The following HMGA1 variants were observed in gnomAD, a reference collection of about 807,000 sequenced individuals.
HMGA1 encodes high mobility group protein HMG-I/HMG-Y.
Under a neutral mutation model 15.1 loss-of-function variants are expected in HMGA1, and 1 was observed. That is an observed-to-expected ratio of 0.07 (90% CI 0.02 to 0.31). The LOEUF is 0.31. HMGA1 is among the 10% of genes least tolerant of loss of function. The probability of loss-of-function intolerance (pLI) is 1.00; values close to 1 mark genes in which losing one functional copy is unlikely to be tolerated. For synonymous variants in HMGA1, 56 were observed against 54.8 expected, an observed-to-expected ratio of 1.02 and a Z score of -0.10; for missense variants, 94 against 141.4, an observed-to-expected ratio of 0.66 and a Z score of 1.70.
intron 4 of HMGA1, 94 bp from the exon 5 acceptor site, chr6:34,243,374 A>T: frequency 1.0e-6 from 1 of 953,968 alleles, no homozygotes; most frequent in Non-Finnish European, 1.7e-6. Context: ...GTCACCCTGA[A>T]CAGGCAGGTA....
At chr6:34,241,486 T>C (rs923634445) in intron 3 of HMGA1, among the ~76,000 whole-genome samples, 1 of 152,250 alleles carries the variant, frequency 6.6e-6, no homozygotes, top group Non-Finnish European at 1.5e-5. Flanking sequence ...GCATTGCCCC[T>C]GGCTCTTTAG....
At chr6:34,238,267 C>T (rs1050334071) in intron 2 of HMGA1, among the ~76,000 whole-genome samples, 5 of 152,152 alleles carry the variant, frequency 3.3e-5, no homozygotes, top group Admixed American at 1.3e-4. Context: ...CCCCGCGCGC[C>T]CTGGCCCCGG....
chr6:34,240,938 C>T (rs760937123), intron 3 of HMGA1, 23 bp downstream of exon 3: 2 of 1,613,450 alleles, frequency 1.2e-6, no homozygotes, highest in Non-Finnish European at 8.5e-7. Flanking sequence ...ACCTTTGCTT[C>T]ACTTGGTTTA....
chr6:34,240,549 C>G (rs1762217517), intron 2 of HMGA1, 188 bp from the exon 3 acceptor site: 1 of 552,622 alleles, frequency 1.8e-6, no homozygotes, highest in Admixed American at 3.0e-5. Flanking sequence ...CTGATTAGGG[C>G]CAACGGCCCT....
chr6:34,240,857 G>C lies in HMGA1; in HGVS notation c.77G>C (p.Arg26Pro). 1 of 1,613,526 alleles carries C rather than the reference G, an allele frequency of 6.2e-7. No individual in the cohort carries two copies. The highest frequency in any genetic ancestry group is 8.5e-7 in the Non-Finnish European group (1 of 1,179,836). ...AAGGACGGCACTGAGAAGCGGGGCC[G>C]GGGCAGGCCGCGCAAGCAGCCTCCG... ...QEKDGTEKRG[R>P]GRPRKQPPVS... Residue 26 changes from arginine to proline, a missense_variant, in exon 3 of 6, where the codon CGG becomes CCG. Transcript: ENST00000311487.
intron 3 of HMGA1, among the ~76,000 whole-genome samples, chr6:34,242,074 C>T (rs911916003): frequency 9.2e-5 from 14 of 152,326 alleles, no homozygotes; most frequent in African/African-American, 3.4e-4. Flanking sequence ...CGCGCCTTCA[C>T]CACACACCTT....
intron 2 of HMGA1, among the ~76,000 whole-genome samples, chr6:34,238,232 C>T (rs1761980184): frequency 6.6e-6 from 1 of 152,000 alleles, no homozygotes; most frequent in South Asian, 2.1e-4. Context: ...TTTCCCGCGC[C>T]TGCAGGAGCG....
intron 2 of HMGA1, among the ~76,000 whole-genome samples, chr6:34,239,477 G>GT (rs1762119229): frequency 6.6e-6 from 1 of 152,052 alleles, no homozygotes; most frequent in Non-Finnish European, 1.5e-5. Flanking sequence ...ATTATTTTAA[G>GT]TTTTTCTAAA....
At position 34,245,435 on chromosome 6, in the gene HMGA1, C is replaced by T. The variant is rs761400065; in HGVS notation, c.*551C>T. On this transcript the variant is annotated 3_prime_UTR_variant, in exon 6 of 6. Coordinates refer to ENST00000311487, the MANE Select transcript of HMGA1 (RefSeq NM_145899.3). The stretch of plus-strand genomic sequence containing the variant: ...GGCCCCCAGGATTCCCCCAGCCAAA[C>T]TGTCTTTGTCACCACGTGGGGCTCA... 1.4e-5 allele frequency: 19 copies of T among 1,368,732 alleles called. No individual in the cohort carries two copies. Among genetic ancestry groups the T allele is most frequent in the South Asian group, 2.5e-5 (2 of 81,270 alleles). The allele number at this position is 1,368,732 out of a possible 1,614,324, so 84.8% of individuals were successfully genotyped here.
chr6:34,243,883 G>C (rs950374619), intron 5 of HMGA1, among the ~76,000 whole-genome samples: 1 of 152,142 alleles, frequency 6.6e-6, no homozygotes, highest in African/African-American at 2.4e-5. Flanking sequence ...GGGAAGGTTT[G>C]TCCTTCCTAT....
chr6:34,245,239 C>T lies in HMGA1; in HGVS notation c.*355C>T, dbSNP rs11557700. On this transcript the variant is annotated 3_prime_UTR_variant, in exon 6 of 6. Coordinates refer to ENST00000311487, the MANE Select transcript of HMGA1 (RefSeq NM_145899.3). ...GGTGGTGGGGACATTGCTCTCTGGG[C>T]TTTTGGTTTGGGGGCGCCCTCTCTG... 1 of 1,384,232 alleles carries T rather than the reference C, an allele frequency of 7.2e-7. No homozygotes were observed. The highest frequency in any genetic ancestry group is 1.4e-5 in the African/African-American group (1 of 70,166). 85.7% of individuals were successfully genotyped at this position (1,384,232 alleles called of 1,614,324 possible).
rs1157974807 is a variant in HMGA1, at chr6:34,240,766, C to T, written c.-15C>T. ...CCAGCCATCACTCTTCCACCTGCTC[C>T]TTAGAGAAGGGAAGATGAGTGAGTC... is the stretch of plus-strand genomic sequence containing the variant. On this transcript the variant is annotated 5_prime_UTR_variant, in exon 3 of 6. Coordinates refer to ENST00000311487, the MANE Select transcript of HMGA1 (RefSeq NM_145899.3). 6 of 1,612,068 alleles carry T rather than the reference C, an allele frequency of 3.7e-6. No homozygotes were observed. Among genetic ancestry groups the T allele is most frequent in the Non-Finnish European group, 5.1e-6 (6 of 1,179,870 alleles).
chr6:34,237,563 C>T (rs1246793301), intron 2 of HMGA1, among the ~76,000 whole-genome samples: 3 of 144,806 alleles, frequency 2.1e-5, no homozygotes, highest in African/African-American at 5.0e-5. Flanking sequence ...CTGCGGGGGG[C>T]GGGGACCCGG....
At chr6:34,237,767 G>C (rs571105981) in intron 2 of HMGA1, among the ~76,000 whole-genome samples, 59 of 151,578 alleles carry the variant, frequency 3.9e-4, no homozygotes, top group Middle Eastern at 3.4e-3. Flanking sequence ...GTGGGGGGTC[G>C]GGCGCCCCCC....
At position 34,245,226 on chromosome 6, in the gene HMGA1, A is replaced by G. The variant is rs555690284; in HGVS notation, c.*342A>G. The G allele has an allele frequency of 6.5e-6, 9 of 1,390,294 alleles. No individual in the cohort carries two copies. The African/African-American group carries it at 7.1e-5, about 11-fold the overall frequency. 86.1% of individuals were successfully genotyped at this position (1,390,294 alleles called of 1,614,324 possible). On this transcript the variant is annotated 3_prime_UTR_variant, in exon 6 of 6. Coordinates refer to ENST00000311487, the MANE Select transcript of HMGA1 (RefSeq NM_145899.3). ...TCCCCACTCCCTTGGTGGTGGGGAC[A>G]TTGCTCTCTGGGCTTTTGGTTTGGG... is the stretch of plus-strand genomic sequence containing the variant.
chr6:34,238,245 C>T (rs984540062), intron 2 of HMGA1, among the ~76,000 whole-genome samples: 1 of 152,114 alleles, frequency 6.6e-6, no homozygotes, highest in East Asian at 1.9e-4. Context: ...CAGGAGCGGC[C>T]TGCGCCCCTC....
intron 5 of HMGA1, among the ~76,000 whole-genome samples, 187 bp downstream of exon 5, chr6:34,243,705 G>A (rs1762483443): frequency 6.6e-6 from 1 of 152,166 alleles, no homozygotes; most frequent in South Asian, 2.1e-4. Flanking sequence ...AGAAGTGAGG[G>A]GTCCCAGGTA....
At chr6:34,244,102 C>A (rs1306170182) in intron 5 of HMGA1, among the ~76,000 whole-genome samples, 4 of 151,844 alleles carry the variant, frequency 2.6e-5, no homozygotes, top group Admixed American at 2.6e-4. Flanking sequence ...CAGCTCCTGG[C>A]CCTCTCCTAC....
intron 5 of HMGA1, 136 bp from the exon 6 acceptor site, chr6:34,244,695 A>G (rs983251227): frequency 6.0e-5 from 44 of 738,218 alleles, no homozygotes; most frequent in Middle Eastern, 7.3e-4. Flanking sequence ...GAGGTTGCTG[A>G]GTCACCCACA....
Sources: gnomAD v4.1 joint callset for allele counts (sites outside exome capture counted in the v4.1 genomes callset) on GRCh38, gnomAD v4.1.1 for gene constraint, MANE v1.5 for transcripts, NCBI Gene and HGNC (gene_info 2026-07-23, HGNC 2026-07-21) for gene names.